Variants in DNAJC24 observed in about 807,000 individuals in gnomAD.
DNAJC24 encodes the protein dnaJ homolog subfamily C member 24.
DNAJC24 carries 17 observed loss-of-function variants against 18.0 expected under a neutral mutation model. The ratio of observed to expected loss-of-function variants is 0.94; its 90% CI spans 0.65 to 1.42. The LOEUF (loss-of-function observed/expected upper bound fraction) is 1.42, where lower values mean the gene tolerates loss of function less well. Among genes scored for constraint, DNAJC24 ranks in the 40% most tolerant of loss-of-function variants. The pLI is 0.00. For missense variants in DNAJC24, 158 were observed against 175.6 expected (o/e 0.90, Z 0.57); for synonymous variants, 55 against 57.7 (o/e 0.95, Z 0.21).
At chr11:31,408,068 T>C (rs1192777625) in intron 2 of DNAJC24, 1 of 455,136 alleles carries the variant, frequency 2.2e-6, no homozygotes. Flanking sequence ...TAAAAAAAAT[T>C]CCGACTTGAA....
In DNAJC24 at chr11:31,407,702, AAAAAAT is replaced by A. The variant is rs1333045064; in HGVS notation, c.112-7107_112-7102del. Among the ~76,000 whole-genome samples, 4 of 109,188 alleles carry A rather than the reference AAAAAAT, an allele frequency of 3.7e-5. No homozygotes were observed. The East Asian group carries it at 8.4e-4, about 23-fold the overall frequency. The allele number at this position is 109,188 out of a possible 152,430, so 71.6% of individuals were successfully genotyped here. A position where few individuals can be genotyped will look rare whatever the true frequency, so the allele number is the denominator to read the frequency against. On this transcript the variant is annotated intron_variant, in intron 2 of 4. Coordinates refer to ENST00000465995, the MANE Select transcript of DNAJC24 (RefSeq NM_181706.5). ...CCCATCTCAAAAAAAAAAAAAAAAA[AAAAAAT>A]ATATATATATATATATAAAATTTTT...
chr11:31,386,791 T>A (rs1952434700), intron 2 of DNAJC24, among the ~76,000 whole-genome samples: 1 of 152,150 alleles, frequency 6.6e-6, no homozygotes, highest in Admixed American at 6.5e-5. Context: ...CTAAGTGGGT[T>A]CCTGGCATCC....
At chr11:31,400,579 C>T (rs1169756439) in intron 2 of DNAJC24, among the ~76,000 whole-genome samples, 3 of 152,160 alleles carry the variant, frequency 2.0e-5, no homozygotes, top group African/African-American at 7.2e-5. Context: ...CACCACACAT[C>T]TACAACCATC....
At chr11:31,415,193 A>G in intron 3 of DNAJC24, 2 of 378,242 alleles carry the variant, frequency 5.3e-6, no homozygotes, top group Non-Finnish European at 9.4e-6. Flanking sequence ...TTTTTATAAC[A>G]TTTGAAAAAT....
intron 2 of DNAJC24, among the ~76,000 whole-genome samples, chr11:31,413,488 A>C (rs558196586): frequency 2.6e-5 from 4 of 151,406 alleles, no homozygotes; most frequent in Admixed American, 2.6e-4. Flanking sequence ...CCACCACCAC[A>C]CCTGGCCAAT....
chr11:31,388,967 ATT>A (rs1484929208), intron 2 of DNAJC24, among the ~76,000 whole-genome samples: 2 of 152,180 alleles, frequency 1.3e-5, no homozygotes, highest in Non-Finnish European at 1.5e-5. Flanking sequence ...GTAAGATAGT[ATT>A]TGCAAACCTC....
At chr11:31,409,804 T>C (rs1424718293) in intron 2 of DNAJC24, among the ~76,000 whole-genome samples, 1 of 152,166 alleles carries the variant, frequency 6.6e-6, no homozygotes, top group Non-Finnish European at 1.5e-5. Flanking sequence ...ATTGCCAAAT[T>C]GTTTCCTGTC....
intron 2 of DNAJC24, among the ~76,000 whole-genome samples, chr11:31,409,990 T>A (rs1007823707): frequency 2.6e-5 from 4 of 151,750 alleles, no homozygotes; most frequent in African/African-American, 9.7e-5. Flanking sequence ...GTTTAAGCAA[T>A]TCTTGTGCCT....
At chr11:31,402,857 A>C (rs946064959) in intron 2 of DNAJC24, among the ~76,000 whole-genome samples, 1 of 151,066 alleles carries the variant, frequency 6.6e-6, no homozygotes, top group Non-Finnish European at 1.5e-5. Flanking sequence ...CAGCATTTCT[A>C]CAAATGTGAA....
intron 3 of DNAJC24, among the ~76,000 whole-genome samples, chr11:31,419,344 G>A (rs779748356): frequency 3.3e-5 from 5 of 151,916 alleles, no homozygotes; most frequent in Non-Finnish European, 7.4e-5. Flanking sequence ...TGACAGTTGG[G>A]GACTGGCTTT....
In DNAJC24 at chr11:31,407,276, A is replaced by ATT. The variant is rs373162262; in HGVS notation, c.112-7532_112-7531dup. On this transcript the variant is annotated intron_variant, in intron 2 of 4. Coordinates refer to ENST00000465995, the MANE Select transcript of DNAJC24 (RefSeq NM_181706.5). ...TTGTTACTTCTTATGTATAGTTTAT[A>ATT]TTTTATGTATCAAAACAGCACAATC... 3.0e-3 allele frequency among the ~76,000 whole-genome samples: 451 copies of ATT among 152,248 alleles called. 2 individuals are homozygous for ATT. Among genetic ancestry groups the ATT allele is most frequent in the African/African-American group, 1.0e-2 (415 of 41,558 alleles).
At chr11:31,396,332 T>A (rs1312221017) in intron 2 of DNAJC24, 1 of 453,408 alleles carries the variant, frequency 2.2e-6, no homozygotes, top group Admixed American at 2.4e-5. Flanking sequence ...TGAGTTTTAT[T>A]TGACCCTCTT....
intron 3 of DNAJC24, chr11:31,421,860 A>C (rs892719281): frequency 3.5e-6 from 1 of 287,446 alleles, no homozygotes; most frequent in African/African-American, 2.3e-5. Context: ...TGAATGACCC[A>C]GCGAGAGCTC....
At chr11:31,421,849 G>A in intron 3 of DNAJC24, 1 of 233,796 alleles carries the variant, frequency 4.3e-6, no homozygotes, top group South Asian at 4.6e-5. Flanking sequence ...TTAGAAAGTT[G>A]TGAATGACCC....
intron 2 of DNAJC24, 55 bp downstream of exon 2, chr11:31,370,914 A>C (rs147584237): frequency 8.9e-7 from 1 of 1,126,576 alleles, no homozygotes; most frequent in Non-Finnish European, 1.3e-6. Context: ...CAATTTTTAT[A>C]TGAAACCACA....
chr11:31,405,818 A>G (rs927701586), intron 2 of DNAJC24, among the ~76,000 whole-genome samples: 20 of 152,214 alleles, frequency 1.3e-4, no homozygotes, highest in Non-Finnish European at 1.6e-4. Context: ...GGGAAGTCCA[A>G]TATTAAATGG....
At chr11:31,418,460 G>A (rs1434835463) in intron 3 of DNAJC24, among the ~76,000 whole-genome samples, 1 of 152,076 alleles carries the variant, frequency 6.6e-6, no homozygotes, top group Non-Finnish European at 1.5e-5. Context: ...TAATGTGAAA[G>A]TCACAGATCT....
chr11:31,430,807 G>A lies in DNAJC24; in HGVS notation c.*406G>A, dbSNP rs1952915085. The A allele has an allele frequency of 6.5e-6, 1 of 152,712 alleles. No individual in the cohort carries two copies. The highest frequency in any genetic ancestry group is 1.5e-5 in the Non-Finnish European group (1 of 68,184). The allele number at this position is 152,712 out of a possible 1,614,324, so 9.5% of individuals were successfully genotyped here. A position where few individuals can be genotyped will look rare whatever the true frequency, so the allele number is the denominator to read the frequency against. On this transcript the variant is annotated 3_prime_UTR_variant, in exon 5 of 5. Transcript: ENST00000465995. ...CGTTTCTAGTTGCTAAAGTTATGGGGCTGTTGTACACCTAGAATCTTTGTG... is the reference window on the plus strand; with the variant it reads ...CGTTTCTAGTTGCTAAAGTTATGGGACTGTTGTACACCTAGAATCTTTGTG...
intron 2 of DNAJC24, among the ~76,000 whole-genome samples, chr11:31,375,826 C>T (rs1952308155): frequency 7.4e-6 from 1 of 135,272 alleles, no homozygotes; most frequent in Admixed American, 7.5e-5. Flanking sequence ...CAGCAAATTA[C>T]AGGAGAGAGA....
Sources: gnomAD v4.1 joint callset for allele counts (sites outside exome capture counted in the v4.1 genomes callset) on GRCh38, gnomAD v4.1.1 for gene constraint, MANE v1.5 for transcripts, NCBI Gene and HGNC (gene_info 2026-07-23, HGNC 2026-07-21) for gene names.